INTS12: variants seen among roughly 807,000 people sequenced by gnomAD.
INTS12 encodes the protein PHD finger protein 22.
A neutral mutation model predicts 41.6 loss-of-function variants in INTS12; 13 were observed. The observed-to-expected ratio is 0.31, with a 90% CI of 0.20 to 0.50. INTS12 has a LOEUF of 0.50. INTS12 is among the 20% of genes least tolerant of loss of function. The pLI is 0.98. For synonymous variants in INTS12, 199 were observed against 191.4 expected (o/e 1.04, Z -0.33); for missense variants, 432 against 541.6 (o/e 0.80, Z 2.01).
chr4:105,707,687 C>A (rs1732340217), intron 1 of INTS12, among the ~76,000 whole-genome samples: 1 of 152,208 alleles, frequency 6.6e-6, no homozygotes, highest in Admixed American at 6.5e-5. Flanking sequence ...TTGCTTAATT[C>A]ATTAATCCCA....
rs767514862 is a variant in INTS12, at chr4:105,700,706, AAC to A, written c.-9-694_-9-693del. Among the ~76,000 whole-genome samples the A allele has an allele frequency of 8.8e-3, 1,185 of 134,524 alleles. 7 individuals carry two copies. The highest frequency in any genetic ancestry group is 0.022 in the South Asian group (93 of 4,150). 88.3% of individuals were successfully genotyped at this position (134,524 alleles called of 152,430 possible). ...GAGGGATAATATCATATCTACTTAA[AAC>A]ACACACACACACACACACACACACA... On this transcript the variant is annotated intron_variant, in intron 2 of 7. Transcript: ENST00000340139.
At chr4:105,688,623 T>G (rs955224524) in intron 6 of INTS12, among the ~76,000 whole-genome samples, 1 of 152,228 alleles carries the variant, frequency 6.6e-6, no homozygotes, top group South Asian at 2.1e-4. Flanking sequence ...GTTACGAGAA[T>G]GCATCCCTCA....
intron 3 of INTS12, 154 bp from the exon 4 acceptor site, chr4:105,695,822 G>T (rs1731842826): frequency 1.5e-6 from 1 of 651,006 alleles, no homozygotes; most frequent in Admixed American, 3.1e-5. Flanking sequence ...GCTTTATTGA[G>T]AAATAATTGA....
Position 105,683,172 on chromosome 4 carries a change from T to A in INTS12, c.950A>T (p.Asn317Ile). Residue 317 changes from asparagine to isoleucine, a missense_variant, in exon 8 of 8, where the codon AAT (asparagine) becomes ATT (isoleucine). This residue lies in a region of INTS12 where 258 missense variants were observed against 309.9 expected (regional missense o/e 0.83). Transcript: ENST00000340139. ...TGACGAAGTAGCAGGTTTCCCAGTA[T>A]TGTTTTGTGTTGTTGAACTCAATTT... Reference protein sequence around the residue: ...TAKLSSTTQNNTGKPATSSAN... With the variant: ...TAKLSSTTQNITGKPATSSAN... 6.2e-7 allele frequency: 1 copy of A among 1,614,128 alleles called. No homozygotes were observed. Among genetic ancestry groups the A allele is most frequent in the Non-Finnish European group, 8.5e-7 (1 of 1,179,970 alleles).
Position 105,691,966 on chromosome 4 carries a change from T to C in INTS12, c.657+10A>G. 6.6e-7 allele frequency: 1 copy of C among 1,508,236 alleles called. No homozygotes were observed. The allele number at this position is 1,508,236 out of a possible 1,614,324, so 93.4% of individuals were successfully genotyped here. On this transcript the variant is annotated intron_variant, in intron 6 of 7. Transcript: ENST00000340139. ...AGACTGTTTAAAATAAAGAAAAATATGATTCCTACCATTCTTTTCATTTGT... is the reference window on the plus strand; with the variant it reads ...AGACTGTTTAAAATAAAGAAAAATACGATTCCTACCATTCTTTTCATTTGT...
intron 2 of INTS12, chr4:105,702,980 C>T (rs1161523778): frequency 3.0e-6 from 3 of 984,838 alleles, no homozygotes; most frequent in East Asian, 1.1e-4. Context: ...TTACTTTCTA[C>T]AGCAGTCATA....
Position 105,682,676 on chromosome 4 carries a change from A to C in INTS12, c.*57T>G. 7.8e-7 allele frequency: 1 copy of C among 1,278,448 alleles called. No individual in the cohort carries two copies. The highest frequency in any genetic ancestry group is 1.1e-6 in the Non-Finnish European group (1 of 895,976). 79.2% of individuals were successfully genotyped at this position (1,278,448 alleles called of 1,614,324 possible). On this transcript the variant is annotated 3_prime_UTR_variant, in exon 8 of 8. Coordinates refer to ENST00000340139, the MANE Select transcript of INTS12 (RefSeq NM_020395.4). ...ATTACAGTGTATTACAGATTATATC[A>C]TAATAATAAGCCTTTCATCTTTAGG...
intron 2 of INTS12, chr4:105,703,048 G>A (rs957618257): frequency 1.0e-6 from 1 of 982,988 alleles, no homozygotes; most frequent in Non-Finnish European, 1.2e-6. Flanking sequence ...ATATTTTCCT[G>A]GAGTTACACC....
intron 1 of INTS12, chr4:105,708,417 C>A (rs1358856551): frequency 1.0e-6 from 1 of 985,406 alleles, no homozygotes; most frequent in African/African-American, 1.7e-5. Flanking sequence ...TAGAAATATG[C>A]TCGGTCCGCA....
intron 3 of INTS12, among the ~76,000 whole-genome samples, chr4:105,697,334 A>G (rs570990946): frequency 2.6e-4 from 39 of 152,320 alleles, no homozygotes; most frequent in African/African-American, 8.9e-4. Context: ...AGTGCAGTCT[A>G]TTTTACTGTG....
chr4:105,703,420 T>A (rs529900158), intron 2 of INTS12, among the ~76,000 whole-genome samples: 1 of 152,350 alleles, frequency 6.6e-6, no homozygotes, highest in Admixed American at 6.5e-5. Context: ...TCGCCATTAC[T>A]GAACAATGAT....
intron 2 of INTS12, among the ~76,000 whole-genome samples, chr4:105,702,623 C>CT (rs1418323077): frequency 6.6e-6 from 1 of 152,168 alleles, no homozygotes; most frequent in Non-Finnish European, 1.5e-5. Context: ...TTCCATTACT[C>CT]TATCTCTTCC....
intron 2 of INTS12, among the ~76,000 whole-genome samples, chr4:105,701,638 T>G (rs142494240): frequency 6.6e-6 from 1 of 152,232 alleles, no homozygotes; most frequent in African/African-American, 2.4e-5. Flanking sequence ...CCTAATCTCT[T>G]TTTTTTCTTT....
intron 4 of INTS12, among the ~76,000 whole-genome samples, chr4:105,694,799 C>T (rs1731802316): frequency 1.3e-5 from 2 of 152,158 alleles, no homozygotes. Flanking sequence ...ATCTTAATTA[C>T]TATATGTAGA....
rs1369519141 is a variant in INTS12, at chr4:105,693,442, A to C, written c.354T>G (p.Pro118=). The C allele has an allele frequency of 6.2e-7, 1 of 1,613,620 alleles. No individual in the cohort carries two copies. Among genetic ancestry groups the C allele is most frequent in the Admixed American group, 1.7e-5 (1 of 60,014 alleles). The part of the protein sequence containing the change: ...ITEGVDIPKK[P]RLEKPETQSS... ...ACTGTGTTTCTGGTTTCTCCAATCTAGGTTTCTTTGGAATATCAACTCCTT... is the reference window on the plus strand; with the variant it reads ...ACTGTGTTTCTGGTTTCTCCAATCTCGGTTTCTTTGGAATATCAACTCCTT... The change falls in exon 5 of 8, where the codon CCT becomes CCG. Residue 118 remains proline (P), a synonymous_variant. Coordinates refer to ENST00000340139, the MANE Select transcript of INTS12 (RefSeq NM_020395.4).
In INTS12 at chr4:105,700,014, C is replaced by T. The variant is rs771941321; in HGVS notation, c.-9G>A. ...TTCACAGTAGCAGCCATTGCAAACGCCTGAAGGAAAAAAAGAGAAAGTAAT... is the reference window on the plus strand; with the variant it reads ...TTCACAGTAGCAGCCATTGCAAACGTCTGAAGGAAAAAAAGAGAAAGTAAT... On this transcript the variant is annotated splice_region_variant and 5_prime_UTR_variant, in exon 3 of 8. It removes an upstream start codon present in the reference 5' UTR. Transcript: ENST00000340139. The T allele has an allele frequency of 6.8e-6, 10 of 1,465,240 alleles. No homozygotes were observed. The highest frequency in any genetic ancestry group is 8.2e-6 in the Non-Finnish European group (9 of 1,093,528). The allele number at this position is 1,465,240 out of a possible 1,614,324, so 90.8% of individuals were successfully genotyped here.
intron 3 of INTS12, among the ~76,000 whole-genome samples, chr4:105,696,473 G>A (rs1187922895): frequency 6.6e-6 from 1 of 151,916 alleles, no homozygotes; most frequent in Admixed American, 6.6e-5. Context: ...TTCTTTTTTG[G>A]TCTGGCTTCT....
intron 2 of INTS12, among the ~76,000 whole-genome samples, chr4:105,703,216 A>C (rs534256100): frequency 6.6e-6 from 1 of 152,354 alleles, no homozygotes; most frequent in African/African-American, 2.4e-5. Context: ...TATATATGAA[A>C]GATATTTAAT....
At chr4:105,689,603 T>C (rs1211834330) in intron 6 of INTS12, among the ~76,000 whole-genome samples, 2 of 152,170 alleles carry the variant, frequency 1.3e-5, no homozygotes, top group East Asian at 3.8e-4. Flanking sequence ...TGTTGATTTC[T>C]GGTACTAATC....
Sources: gnomAD v4.1 joint callset for allele counts (sites outside exome capture counted in the v4.1 genomes callset) on GRCh38, gnomAD v4.1.1 for gene constraint, gnomAD v4.1.1 regional missense constraint, MANE v1.5 for transcripts, NCBI Gene and HGNC (gene_info 2026-07-23, HGNC 2026-07-21) for gene names.